MYH3: variants seen among roughly 807,000 people sequenced by gnomAD.
MYH3 encodes the protein myosin heavy chain 3.
MYH3 carries 130 observed loss-of-function variants against 238.0 expected under a neutral mutation model. That is an observed-to-expected ratio of 0.55 (90% CI 0.47 to 0.63). The LOEUF (loss-of-function observed/expected upper bound fraction) is 0.63. MYH3 is among the 30% of genes least tolerant of loss of function. MYH3 has a pLI of 0.00. For missense variants in MYH3, 1,853 were observed against 2,374.9 expected (o/e 0.78, Z 4.57); for synonymous variants, 880 against 924.1 (o/e 0.95, Z 0.86).
In MYH3 at chr17:10,652,575, G is replaced by A; in HGVS notation, c.205-12C>T. ...TTGACCACCAGGGTCTAAAAAGGAA[G>A]AGGCACAGTGCTTCACTAAGATGGT... On this transcript the variant is annotated splice_polypyrimidine_tract_variant and intron_variant, in intron 3 of 40. Coordinates refer to ENST00000583535, the MANE Select transcript of MYH3 (RefSeq NM_002470.4). The A allele has an allele frequency of 7.4e-7, 1 of 1,349,944 alleles. No individual in the cohort carries two copies. Among genetic ancestry groups the A allele is most frequent in the Non-Finnish European group, 1.0e-6 (1 of 983,256 alleles). The allele number at this position is 1,349,944 out of a possible 1,614,324, so 83.6% of individuals were successfully genotyped here. A position where few individuals can be genotyped will look rare whatever the true frequency, so the allele number is the denominator to read the frequency against.
At chr17:10,632,107 T>C (rs1051281651) in intron 34 of MYH3, 91 bp from the exon 35 acceptor site, 2 of 1,399,548 alleles carry the variant, frequency 1.4e-6, no homozygotes, top group African/African-American at 3.3e-5. Flanking sequence ...TGTTTGTTTG[T>C]TTGTTTTTGT....
At position 10,642,648 on chromosome 17, in the gene MYH3, G is replaced by A. The variant is rs1227504428; in HGVS notation, c.1657C>T (p.Leu553=). Residue 553 remains leucine, a synonymous_variant, in exon 16 of 41, where the codon CTG becomes TTG. Coordinates refer to ENST00000583535, the MANE Select transcript of MYH3 (RefSeq NM_002470.4). This position sits in a 1 kb window ranked among gnomAD's most constrained non-coding sequence, Gnocchi z 5.4. ...GACTTTCCAAGATGCTGGTCATACAGCTTGTTCTTGAAGGAGGTGTCTGTT... is the reference window on the plus strand; with the variant it reads ...GACTTTCCAAGATGCTGGTCATACAACTTGTTCTTGAAGGAGGTGTCTGTT... The part of the protein sequence containing the change: ...KATDTSFKNK[L]YDQHLGKSNN... 2.5e-6 allele frequency: 4 copies of A among 1,614,124 alleles called. No homozygotes were observed. In the African/African-American group the frequency reaches 4.0e-5, roughly 16 times the overall value.
chr17:10,657,931 GTC>G (rs1235509127), upstream of MYH3, among the ~76,000 whole-genome samples: 50 of 151,636 alleles, frequency 3.3e-4, no homozygotes, highest in African/African-American at 1.1e-3. Flanking sequence ...GCAACGTTCT[GTC>G]TCATTAGTAT....
intron 34 of MYH3, among the ~76,000 whole-genome samples, 160 bp downstream of exon 34, chr17:10,632,316 G>A (rs978416009): frequency 2.0e-5 from 3 of 152,104 alleles, no homozygotes; most frequent in African/African-American, 7.2e-5. Context: ...ATAAGGTTTT[G>A]CTATATTGCC....
rs2074304282 is a variant in MYH3 at position 10,644,711 on chromosome 17, A to G, written c.1142-9T>C. The G allele has an allele frequency of 1.9e-6, 3 of 1,592,702 alleles. No individual in the cohort carries two copies. In the Admixed American group the frequency reaches 5.0e-5, roughly 27 times the overall value. On this transcript the variant is annotated splice_polypyrimidine_tract_variant and intron_variant, in intron 12 of 40. Coordinates refer to ENST00000583535, the MANE Select transcript of MYH3 (RefSeq NM_002470.4). ...GGCTGTTTTGTCAGCCACTGGCAAGAAAACAAGGACAGTGCTTAGAAAAGT... is the reference window on the plus strand; with the variant it reads ...GGCTGTTTTGTCAGCCACTGGCAAGGAAACAAGGACAGTGCTTAGAAAAGT...
At chr17:10,658,229 G>A (rs1056027985), upstream of MYH3, among the ~76,000 whole-genome samples, 10 of 152,140 alleles carry the variant, frequency 6.6e-5, no homozygotes, top group South Asian at 2.1e-4. Context: ...AAAGTATGTC[G>A]GACGCTTTTG....
Position 10,649,004 on chromosome 17 carries a change from G to A in MYH3, c.643-355C>T, listed in dbSNP as rs116384969. 4.9e-3 allele frequency among the ~76,000 whole-genome samples: 744 copies of A among 152,168 alleles called. 7 individuals carry two copies. Among genetic ancestry groups the A allele is most frequent in the African/African-American group, 0.017 (709 of 41,536 alleles). On this transcript the variant is annotated intron_variant, in intron 7 of 40. Transcript: ENST00000583535. Reference sequence around the variant, plus strand: ...GAAACATGTTTTTAAGCCACAGAATGACAGTAAAAAATGCTCACCCACTCT... The same window carrying A: ...GAAACATGTTTTTAAGCCACAGAATAACAGTAAAAAATGCTCACCCACTCT...
chr17:10,633,974 G>C (rs1439336975), intron 32 of MYH3, 43 bp downstream of exon 32: 4 of 1,607,480 alleles, frequency 2.5e-6, no homozygotes, highest in Admixed American at 1.7e-5. Context: ...TCGAGCAATA[G>C]AGCATGAAAG....
chr17:10,662,264 C>T (rs562300108), upstream of MYH3, among the ~76,000 whole-genome samples: 1 of 152,112 alleles, frequency 6.6e-6, no homozygotes, highest in Non-Finnish European at 1.5e-5. Flanking sequence ...TCAAATGATC[C>T]ACCCGCCTTG....
Position 10,638,951 on chromosome 17 carries a change from T to C in MYH3, c.3261A>G (p.Glu1087=). ...LDERLKKKDF[E]YCQLQSKVED... ...CCACTTTGCTTTGAAGTTGACAATA[T>C]TCAAAATCTTTCCTGTGAAGAGAAA... The change falls in exon 26 of 41, where the codon GAA becomes GAG. Residue 1087 remains glutamate (E), a synonymous_variant. Transcript: ENST00000583535. The C allele has an allele frequency of 6.2e-7, 1 of 1,614,158 alleles. No homozygotes were observed. The highest frequency in any genetic ancestry group is 8.5e-7 in the Non-Finnish European group (1 of 1,180,000).
intron 40 of MYH3, among the ~76,000 whole-genome samples, chr17:10,629,263 AGT>A (rs1334757137): frequency 1.3e-5 from 2 of 151,866 alleles, no homozygotes; most frequent in East Asian, 3.9e-4. Flanking sequence ...CCCACTAATG[AGT>A]GAGAACATGT....
Position 10,642,569 on chromosome 17 carries a change from G to A in MYH3, c.1736C>T (p.Ser579Leu), listed in dbSNP as rs1275003124. Residue 579 changes from serine to leucine, a missense_variant, in exon 16 of 41, where the codon TCA (serine) becomes TTA (leucine). Around this residue, in one of 3 missense-constraint regions of MYH3, gnomAD observed 678 missense variants for 1,058.9 expected, o/e 0.64. Coordinates refer to ENST00000583535, the MANE Select transcript of MYH3 (RefSeq NM_002470.4). This position sits in a 1 kb window ranked among gnomAD's most constrained non-coding sequence, Gnocchi z 5.4. ...VVKGRAEAHFSLIHYAGTVDY... is the reference protein window; with the variant it reads ...VVKGRAEAHFLLIHYAGTVDY... The stretch of plus-strand genomic sequence containing the variant: ...CACGGTGCCCGCATAGTGGATCAGT[G>A]AGAAGTGAGCCTCGGCCCTGCCTTT... 2.5e-6 allele frequency: 4 copies of A among 1,614,208 alleles called. No individual in the cohort carries two copies. Among genetic ancestry groups the A allele is most frequent in the East Asian group, 4.5e-5 (2 of 44,884 alleles).
At chr17:10,631,341 T>C (rs1446135057) in intron 36 of MYH3, among the ~76,000 whole-genome samples, 1 of 152,232 alleles carries the variant, frequency 6.6e-6, no homozygotes, top group East Asian at 1.9e-4. Flanking sequence ...CTTGTTTTCA[T>C]ATTTGGAATA....
At chr17:10,651,320 A>C (rs1348560822) in intron 5 of MYH3, among the ~76,000 whole-genome samples, 192 bp downstream of exon 5, 6 of 152,204 alleles carry the variant, frequency 3.9e-5, no homozygotes, top group Non-Finnish European at 8.8e-5. Context: ...AACTTGCATT[A>C]AATCCAAAAC....
At chr17:10,637,636 C>T (rs1164646728) in intron 28 of MYH3, among the ~76,000 whole-genome samples, 173 bp downstream of exon 28, 1 of 152,178 alleles carries the variant, frequency 6.6e-6, no homozygotes, top group Admixed American at 6.5e-5. Context: ...ATGTTCTCTC[C>T]CTTCAGGCTA....
intron 2 of MYH3, among the ~76,000 whole-genome samples, chr17:10,655,577 A>G (rs1002435232): frequency 3.3e-5 from 5 of 152,184 alleles, no homozygotes; most frequent in Admixed American, 6.5e-5. Context: ...TTGGGTTGCT[A>G]AGAACAAAAT....
chr17:10,669,419 G>T, the MYH3 span, among the ~76,000 whole-genome samples: 6 of 152,044 alleles, frequency 3.9e-5, no homozygotes, highest in African/African-American at 1.4e-4. Context: ...CAGGCATGGT[G>T]GCTGGCGCCT....
rs143468882 is a variant in MYH3, at chr17:10,635,547, G to A, written c.3992C>T (p.Ala1331Val). The A allele has an allele frequency of 1.6e-5, 26 of 1,614,114 alleles. No individual in the cohort carries two copies. The highest frequency in any genetic ancestry group is 3.3e-5 in the Admixed American group (2 of 60,008). ...GTGGCGGGAGGACTGCAGGGCGTGC[G>A]CCAGGGCGTTCTTGGCCTGCAGAAG... ...EEENKAKNAL[A>V]HALQSSRHDC... is the part of the protein sequence containing the mutation. Residue 1331 changes from alanine (A) to valine (V), a missense_variant, in exon 30 of 41, where the codon GCG becomes GTG. Around this residue, in one of 3 missense-constraint regions of MYH3, gnomAD observed 1,044 missense variants for 1,192.6 expected, o/e 0.88. Coordinates refer to ENST00000583535, the MANE Select transcript of MYH3 (RefSeq NM_002470.4).
Position 10,641,336 on chromosome 17 carries a change from T to A in MYH3, c.1996A>T (p.Thr666Ser). ...ATACAACGCACAAAATGAGGGTGAG[T>A]AGTTCTTAAATTTGACATCAGCTTG... Reference protein sequence around the residue: ...LNKLMSNLRTTHPHFVRCIIP... With the variant: ...LNKLMSNLRTSHPHFVRCIIP... Residue 666 changes from threonine to serine, a missense_variant, in exon 18 of 41, where the codon ACT becomes TCT. Around this residue, in one of 3 missense-constraint regions of MYH3, gnomAD observed 678 missense variants for 1,058.9 expected, o/e 0.64. Coordinates refer to ENST00000583535, the MANE Select transcript of MYH3 (RefSeq NM_002470.4). The A allele has an allele frequency of 6.2e-7, 1 of 1,612,942 alleles. No homozygotes were observed. Among genetic ancestry groups the A allele is most frequent in the South Asian group, 1.1e-5 (1 of 91,030 alleles).
Sources: allele counts gnomAD v4.1 joint callset (sites outside exome capture counted in the v4.1 genomes callset), GRCh38; gene constraint gnomAD v4.1.1; regional missense constraint gnomAD v4.1.1; non-coding constraint Gnocchi (gnomAD v3.1); transcripts MANE v1.5; gene names NCBI Gene and HGNC (gene_info 2026-07-23, HGNC 2026-07-21).